CWC27: variants seen among roughly 807,000 people sequenced by gnomAD.
CWC27 encodes spliceosome-associated protein CWC27 homolog.
Under a neutral mutation model 63.6 loss-of-function variants are expected in CWC27, and 47 were observed. The ratio of observed to expected loss-of-function variants is 0.74; its 90% confidence interval spans 0.58 to 0.94. The LOEUF (loss-of-function observed/expected upper bound fraction) is 0.94, where lower values mean the gene tolerates loss of function less well. Among genes scored for constraint, CWC27 ranks in the 40% least tolerant of loss-of-function variants. CWC27 has a pLI of 0.00. For missense variants in CWC27, 495 were observed against 554.3 expected (o/e 0.89, Z 1.07); for synonymous variants, 175 against 179.8 (o/e 0.97, Z 0.22).
At chr5:64,960,174 T>C (rs147418708) in intron 11 of CWC27, among the ~76,000 whole-genome samples, 1 of 151,896 alleles carries the variant, frequency 6.6e-6, no homozygotes, top group African/African-American at 2.4e-5. Context: ...GGTTACCTGA[T>C]GCATTTTTGT....
chr5:64,826,747 T>G (rs190666736), intron 10 of CWC27, among the ~76,000 whole-genome samples: 1 of 151,872 alleles, frequency 6.6e-6, no homozygotes, highest in African/African-American at 2.4e-5. Flanking sequence ...AACTGTTAGT[T>G]TCATGTCTTC....
chr5:64,977,360 C>T (rs1749245697), intron 13 of CWC27, 122 bp downstream of exon 13: 3 of 599,142 alleles, frequency 5.0e-6, no homozygotes, highest in Admixed American at 3.6e-5. Context: ...ATTATAGGAC[C>T]TCGGCAACTT....
At position 64,836,696 on chromosome 5, in the gene CWC27, CAAT is replaced by C. The variant is rs573979052; in HGVS notation, c.938+32313_938+32315del. ...GTTTAGAATTTAGACTGGAAGGAGA[CAAT>C]AAATCTTACTGTTTAAATCACCCAA... On this transcript the variant is annotated intron_variant, in intron 10 of 13. Coordinates refer to ENST00000381070, the MANE Select transcript of CWC27 (RefSeq NM_005869.4). 3.0e-4 allele frequency among the ~76,000 whole-genome samples: 45 copies of C among 152,084 alleles called. 1 individual carries two copies. The highest frequency in any genetic ancestry group is 6.5e-4 in the African/African-American group (27 of 41,548).
intron 11 of CWC27, among the ~76,000 whole-genome samples, chr5:64,920,782 G>A (rs1007638793): frequency 3.9e-5 from 6 of 152,028 alleles, no homozygotes; most frequent in African/African-American, 1.4e-4. Flanking sequence ...TTGTATTTCT[G>A]TGGGGTCAGT....
intron 13 of CWC27, among the ~76,000 whole-genome samples, chr5:65,003,421 G>A (rs1749769554): frequency 6.6e-6 from 1 of 151,094 alleles, no homozygotes; most frequent in Non-Finnish European, 1.5e-5. Context: ...ATTTTTTGTT[G>A]CAGTTTTATG....
intron 11 of CWC27, among the ~76,000 whole-genome samples, chr5:64,936,470 A>G (rs1748354572): frequency 6.6e-6 from 1 of 152,160 alleles, no homozygotes. Flanking sequence ...GTGGTGGATA[A>G]GCTTTTTGAT....
chr5:64,928,659 A>G (rs1748168490), intron 11 of CWC27, among the ~76,000 whole-genome samples: 1 of 152,198 alleles, frequency 6.6e-6, no homozygotes, highest in South Asian at 2.1e-4. Context: ...GCTTATTTTT[A>G]TAAGGAATAG....
rs183092137 is a variant in CWC27 at position 64,952,694 on chromosome 5, T to G, written c.1043-19009T>G. ...GAGAAATAATATTAAATAAAAAATT[T>G]TTATACTATTTAAGCCTATGGTTTT... On this transcript the variant is annotated intron_variant, in intron 11 of 13. Transcript: ENST00000381070. Among the ~76,000 whole-genome samples, 5 of 152,132 alleles carry G rather than the reference T, an allele frequency of 3.3e-5. 1 individual carries two copies. Among genetic ancestry groups the G allele is most frequent in the Admixed American group, 2.6e-4 (4 of 15,260 alleles).
At chr5:64,866,309 T>C (rs981808841) in intron 10 of CWC27, among the ~76,000 whole-genome samples, 29 of 152,150 alleles carry the variant, frequency 1.9e-4, no homozygotes, top group African/African-American at 7.0e-4. Flanking sequence ...CAATTGGTAA[T>C]TGACAAGAGA....
intron 13 of CWC27, 22 bp downstream of exon 13, chr5:64,977,260 T>C (rs1749243961): frequency 6.7e-7 from 1 of 1,492,242 alleles, no homozygotes; most frequent in Non-Finnish European, 9.3e-7. Context: ...GATTTCTGTA[T>C]ATTAACCATG....
At chr5:64,946,955 G>A (rs1382435712) in intron 11 of CWC27, among the ~76,000 whole-genome samples, 1 of 152,072 alleles carries the variant, frequency 6.6e-6, no homozygotes, top group Non-Finnish European at 1.5e-5. Context: ...TAGTACATAG[G>A]TCTATGTGAC....
At chr5:64,889,157 A>T (rs977937625) in intron 11 of CWC27, among the ~76,000 whole-genome samples, 3 of 152,184 alleles carry the variant, frequency 2.0e-5, no homozygotes. Flanking sequence ...AGATCAAAAG[A>T]GACTAAGGAG....
chr5:64,840,385 AAAAAAAAAAATAT>A (rs1745784993), intron 10 of CWC27, among the ~76,000 whole-genome samples: 5 of 69,482 alleles, frequency 7.2e-5, no homozygotes, highest in South Asian at 5.0e-4. Context: ...AAAAAAAAAA[AAAAAAAAAAATAT>A]ATATATATAT....
intron 10 of CWC27, among the ~76,000 whole-genome samples, chr5:64,836,653 C>G (rs756010513): frequency 6.6e-6 from 1 of 151,916 alleles, no homozygotes; most frequent in Non-Finnish European, 1.5e-5. Context: ...TTAGTATGAA[C>G]CTTTGACAAA....
At chr5:64,975,422 C>T (rs1749212587) in intron 12 of CWC27, among the ~76,000 whole-genome samples, 1 of 152,140 alleles carries the variant, frequency 6.6e-6, no homozygotes, top group Non-Finnish European at 1.5e-5. Flanking sequence ...TTGAATTCAA[C>T]ATACCAAAAT....
chr5:64,824,671 T>G (rs1047077356), intron 10 of CWC27, among the ~76,000 whole-genome samples: 14 of 119,334 alleles, frequency 1.2e-4, no homozygotes, highest in African/African-American at 2.4e-4. Context: ...GTTTTGTGGG[T>G]TTTTTTTTTT....
chr5:64,907,848 A>T (rs1580719170), intron 11 of CWC27, among the ~76,000 whole-genome samples: 1 of 147,288 alleles, frequency 6.8e-6, no homozygotes, highest in African/African-American at 2.7e-5. Context: ...TCCTGGATTC[A>T]TTGATTTTTT....
intron 11 of CWC27, among the ~76,000 whole-genome samples, chr5:64,954,933 A>G (rs913014962): frequency 1.3e-5 from 2 of 152,046 alleles, no homozygotes; most frequent in African/African-American, 4.8e-5. Context: ...TTGAACATCC[A>G]AATTTATAGA....
At chr5:64,951,732 C>A (rs1359954921) in intron 11 of CWC27, among the ~76,000 whole-genome samples, 1 of 151,896 alleles carries the variant, frequency 6.6e-6, no homozygotes, top group African/African-American at 2.4e-5. Context: ...ATAAATGGAT[C>A]ATATAATATG....
Sources: allele counts gnomAD v4.1 joint callset (sites outside exome capture counted in the v4.1 genomes callset), GRCh38; gene constraint gnomAD v4.1.1; transcripts MANE v1.5; gene names NCBI Gene and HGNC (gene_info 2026-07-23, HGNC 2026-07-21).